CEP83: variants seen among roughly 807,000 people sequenced by gnomAD.
CEP83 encodes centrosomal protein 83, also known as centrosomal protein of 83 kDa.
CEP83 carries 70 observed loss-of-function variants against 101.9 expected under a neutral mutation model. The observed-to-expected ratio is 0.69, with a 90% CI of 0.57 to 0.84. The LOEUF (loss-of-function observed/expected upper bound fraction) is 0.84. CEP83 is among the 40% of genes least tolerant of loss of function. The pLI, the probability that CEP83 is intolerant of heterozygous loss-of-function variation, is 0.00. For missense variants in CEP83, 715 were observed against 787.2 expected (o/e 0.91, Z 1.10); for synonymous variants, 264 against 267.9 (o/e 0.99, Z 0.14).
At chr12:94,279,134 C>A in the CEP83 span, among the ~76,000 whole-genome samples, 1 of 152,134 alleles carries the variant, frequency 6.6e-6, no homozygotes, top group African/African-American at 2.4e-5. Flanking sequence ...TACTGTGGAA[C>A]CCTTCCAATT....
chr12:94,277,554 A>G, the CEP83 span, among the ~76,000 whole-genome samples: 20 of 152,288 alleles, frequency 1.3e-4, no homozygotes, highest in South Asian at 4.1e-3. Context: ...CAGAGGTTAC[A>G]CAGCTGGTTA....
intron 14 of CEP83, among the ~76,000 whole-genome samples, chr12:94,326,573 C>A (rs1179723055): frequency 6.6e-6 from 1 of 152,096 alleles, no homozygotes; most frequent in African/African-American, 2.4e-5. Flanking sequence ...TTGGAAAACA[C>A]CCTAGAGTAA....
At chr12:94,424,201 A>G in intron 2 of CEP83, 1 of 1,609,174 alleles carries the variant, frequency 6.2e-7, no homozygotes, top group Non-Finnish European at 8.5e-7. Context: ...CATTCTGAAG[A>G]GCTGTGGTGG....
chr12:94,356,489 G>A (rs1455969186), intron 11 of CEP83, among the ~76,000 whole-genome samples: 4 of 152,144 alleles, frequency 2.6e-5, no homozygotes, highest in South Asian at 2.1e-4. Flanking sequence ...TTCGAGCAGC[G>A]CCTCGAGCGA....
intron 2 of CEP83, among the ~76,000 whole-genome samples, chr12:94,423,241 C>T (rs929822556): frequency 6.6e-5 from 10 of 152,236 alleles, no homozygotes; most frequent in East Asian, 1.9e-4. Flanking sequence ...TGTGCCAGCA[C>T]ACCCGGCTGA....
At chr12:94,370,682 A>C (rs1566009645) in intron 8 of CEP83, among the ~76,000 whole-genome samples, 1 of 152,102 alleles carries the variant, frequency 6.6e-6, no homozygotes, top group Non-Finnish European at 1.5e-5. Flanking sequence ...TTGGCCTGAA[A>C]CCTTCCTTTT....
intron 14 of CEP83, among the ~76,000 whole-genome samples, chr12:94,327,095 G>A (rs570247249): frequency 6.6e-6 from 1 of 152,250 alleles, no homozygotes; most frequent in Admixed American, 6.5e-5. Flanking sequence ...AAAGTCCAGA[G>A]GTAAAATTAG....
At chr12:94,367,709 A>G (rs2061090971) in intron 11 of CEP83, 85 bp downstream of exon 11, 1 of 876,474 alleles carries the variant, frequency 1.1e-6, no homozygotes, top group South Asian at 2.2e-5. Flanking sequence ...AGCACATGGG[A>G]ATTCTTTGTA....
intron 11 of CEP83, among the ~76,000 whole-genome samples, chr12:94,358,760 T>C (rs917149671): frequency 6.6e-6 from 1 of 152,220 alleles, no homozygotes; most frequent in Non-Finnish European, 1.5e-5. Context: ...AAGAAGTAGC[T>C]CACCATGACA....
chr12:94,453,133 A>G (rs1466261012), intron 1 of CEP83, among the ~76,000 whole-genome samples: 1 of 152,184 alleles, frequency 6.6e-6, no homozygotes, highest in Non-Finnish European at 1.5e-5. Flanking sequence ...GGTTTCCAAA[A>G]CGTTACCCTA....
chr12:94,356,296 T>C (rs2060471094), intron 11 of CEP83, among the ~76,000 whole-genome samples: 1 of 151,966 alleles, frequency 6.6e-6, no homozygotes, highest in African/African-American at 2.4e-5. Context: ...GGAACAAGAG[T>C]ATAGTGAAGT....
intron 6 of CEP83, among the ~76,000 whole-genome samples, chr12:94,394,154 T>C (rs1320903010): frequency 2.0e-5 from 3 of 152,148 alleles, no homozygotes; most frequent in Non-Finnish European, 4.4e-5. Flanking sequence ...AAAAAGAGCC[T>C]GCATTGCCAA....
chr12:94,444,157 G>A (rs2066625722), intron 1 of CEP83, among the ~76,000 whole-genome samples: 1 of 152,170 alleles, frequency 6.6e-6, no homozygotes, highest in African/African-American at 2.4e-5. Context: ...CCAGTACTTT[G>A]GGAGACCGAG....
Position 94,412,729 on chromosome 12 carries a change from G to A in CEP83, c.-101-138C>T, listed in dbSNP as rs145694576. 3,708 of 241,636 alleles carry A rather than the reference G, an allele frequency of 0.015. 51 individuals carry two copies. The highest frequency in any genetic ancestry group is 0.037 in the Admixed American group (393 of 10,618). The allele number at this position is 241,636 out of a possible 1,614,324, so 15.0% of individuals were successfully genotyped here. A position where few individuals can be genotyped will look rare whatever the true frequency, so the allele number is the denominator to read the frequency against. On this transcript the variant is annotated intron_variant, in intron 2 of 16. Transcript: ENST00000397809. ...TTTTTTGAGAGGAGTCTGCTCTGTT[G>A]CCCAGGCTAGAGTGCAATGGTGTGA...
chr12:94,406,545 T>C (rs2063546029), intron 4 of CEP83, among the ~76,000 whole-genome samples: 2 of 151,934 alleles, frequency 1.3e-5, no homozygotes, highest in South Asian at 4.2e-4. Context: ...ACAGATGTCA[T>C]TAAAACTTTA....
chr12:94,292,232 A>G, the CEP83 span, among the ~76,000 whole-genome samples: 3 of 152,226 alleles, frequency 2.0e-5, no homozygotes, highest in East Asian at 5.8e-4. Flanking sequence ...ATACCCAAGA[A>G]CAGGCAAAAT....
the CEP83 span, among the ~76,000 whole-genome samples, chr12:94,288,408 G>A: frequency 1.3e-5 from 2 of 152,142 alleles, no homozygotes; most frequent in Non-Finnish European, 2.9e-5. Context: ...CACATTCTTG[G>A]TGGCCCAACT....
At chr12:94,416,927 G>C (rs1566142804) in intron 2 of CEP83, among the ~76,000 whole-genome samples, 1 of 152,002 alleles carries the variant, frequency 6.6e-6, no homozygotes. Context: ...AGATCACATG[G>C]GGAGCCAGAA....
At chr12:94,328,743 A>C (rs1360519214) in intron 14 of CEP83, among the ~76,000 whole-genome samples, 1 of 152,238 alleles carries the variant, frequency 6.6e-6, no homozygotes, top group Non-Finnish European at 1.5e-5. Context: ...ATATTAAGCG[A>C]AAAGTTGTAA....
Sources: gnomAD v4.1 joint callset for allele counts (sites outside exome capture counted in the v4.1 genomes callset) on GRCh38, gnomAD v4.1.1 for gene constraint, MANE v1.5 for transcripts, NCBI Gene and HGNC (gene_info 2026-07-23, HGNC 2026-07-21) for gene names.